Variants in RIT2 observed in about 807,000 individuals in gnomAD.
RIT2 encodes the protein Ras like without CAAX 2, also known as GTP-binding protein Rit2.
A neutral mutation model predicts 23.7 loss-of-function variants in RIT2; 24 were observed. That is an observed-to-expected ratio of 1.01 (90% CI 0.73 to 1.43). RIT2 has a LOEUF of 1.43. Among genes scored for constraint, RIT2 ranks in the 40% most tolerant of loss-of-function variants. The pLI is 0.00. For missense variants in RIT2, 236 were observed against 266.9 expected (o/e 0.88, Z 0.81); for synonymous variants, 107 against 91.1 (o/e 1.17, Z -0.99).
intron 1 of RIT2, among the ~76,000 whole-genome samples, chr18:43,039,069 A>T (rs988777502): frequency 6.6e-6 from 1 of 151,994 alleles, no homozygotes; most frequent in African/African-American, 2.4e-5. Flanking sequence ...TTTTCTACTT[A>T]TTTCCATCTC....
At chr18:42,919,795 T>C (rs1399420171) in intron 4 of RIT2, among the ~76,000 whole-genome samples, 1 of 152,062 alleles carries the variant, frequency 6.6e-6, no homozygotes, top group Non-Finnish European at 1.5e-5. Context: ...CCTTCACTCA[T>C]AGACTGCTTC....
Position 42,801,375 on chromosome 18 carries a change from G to A in RIT2, c.427-57655C>T, listed in dbSNP as rs112701918. 4.4e-3 allele frequency among the ~76,000 whole-genome samples: 671 copies of A among 152,232 alleles called. 5 individuals are homozygous for A. Among genetic ancestry groups the A allele is most frequent in the African/African-American group, 0.015 (606 of 41,540 alleles). The stretch of plus-strand genomic sequence containing the variant: ...ATTGGATTAACAAGAGCTCAGTTAC[G>A]TATCTATTCTTTGATGTTGAAATTT... On this transcript the variant is annotated intron_variant, in intron 4 of 4. Transcript: ENST00000326695.
chr18:42,995,930 CT>C (rs1321895753), intron 2 of RIT2, among the ~76,000 whole-genome samples: 1 of 152,202 alleles, frequency 6.6e-6, no homozygotes, highest in Admixed American at 6.5e-5. Context: ...TACACTGTTT[CT>C]CCAAGCCATC....
chr18:42,829,428 G>T (rs149858279), intron 4 of RIT2, among the ~76,000 whole-genome samples: 52 of 152,210 alleles, frequency 3.4e-4, no homozygotes, highest in East Asian at 1.4e-3. Flanking sequence ...ACCTACCCAG[G>T]GATAATTATT....
intron 4 of RIT2, among the ~76,000 whole-genome samples, chr18:42,750,489 C>A (rs1430104785): frequency 6.6e-6 from 1 of 151,698 alleles, no homozygotes; most frequent in Non-Finnish European, 1.5e-5. Flanking sequence ...TGCAGCACTC[C>A]CTTTGAATTT....
At chr18:43,032,610 C>T (rs1346235147) in intron 2 of RIT2, among the ~76,000 whole-genome samples, 1 of 152,016 alleles carries the variant, frequency 6.6e-6, no homozygotes, top group African/African-American at 2.4e-5. Flanking sequence ...ACTTCTAAAA[C>T]TTTACAAAGT....
At chr18:42,947,284 G>T (rs1284148557) in intron 3 of RIT2, among the ~76,000 whole-genome samples, 1 of 152,052 alleles carries the variant, frequency 6.6e-6, no homozygotes, top group East Asian at 1.9e-4. Flanking sequence ...ACTGAGAGTG[G>T]ACTGAATTCC....
intron 2 of RIT2, among the ~76,000 whole-genome samples, chr18:43,014,501 C>T (rs749437584): frequency 1.7e-4 from 26 of 151,562 alleles, no homozygotes; most frequent in Non-Finnish European, 3.8e-4. Flanking sequence ...TGCATGTGAA[C>T]ATATGATCAT....
chr18:42,961,920 T>C (rs1357689176), intron 3 of RIT2, among the ~76,000 whole-genome samples: 1 of 152,202 alleles, frequency 6.6e-6, no homozygotes, highest in East Asian at 1.9e-4. Context: ...TTTATAAATA[T>C]ATTGATTCTG....
intron 4 of RIT2, among the ~76,000 whole-genome samples, chr18:42,910,220 A>T (rs1908731285): frequency 6.6e-6 from 1 of 152,170 alleles, no homozygotes; most frequent in South Asian, 2.1e-4. Flanking sequence ...CAGAAAACAA[A>T]TAATAAAAAG....
intron 3 of RIT2, among the ~76,000 whole-genome samples, chr18:42,969,972 C>T (rs1475291866): frequency 6.6e-6 from 1 of 151,950 alleles, no homozygotes; most frequent in Non-Finnish European, 1.5e-5. Flanking sequence ...AAGACAGAGC[C>T]TCAATTTTAT....
intron 3 of RIT2, among the ~76,000 whole-genome samples, chr18:42,941,084 C>T (rs1434595736): frequency 6.6e-6 from 1 of 152,064 alleles, no homozygotes; most frequent in African/African-American, 2.4e-5. Flanking sequence ...AGGCTTTAAA[C>T]AACATTTAAG....
intron 4 of RIT2, among the ~76,000 whole-genome samples, chr18:42,853,378 A>AT (rs1305508108): frequency 2.0e-5 from 3 of 152,226 alleles, no homozygotes; most frequent in Non-Finnish European, 4.4e-5. Flanking sequence ...CATCCAGGTC[A>AT]TTGGCATAAA....
At chr18:42,950,346 C>T (rs2051388298) in intron 3 of RIT2, among the ~76,000 whole-genome samples, 1 of 152,000 alleles carries the variant, frequency 6.6e-6, no homozygotes, top group African/African-American at 2.4e-5. Context: ...TAGACATCTG[C>T]AGAAGAATAA....
intron 1 of RIT2, among the ~76,000 whole-genome samples, chr18:43,106,169 C>T: frequency 6.6e-6 from 1 of 152,162 alleles, no homozygotes; most frequent in East Asian, 1.9e-4. Flanking sequence ...CAGGTATATG[C>T]AAAACTCAGA....
At chr18:42,932,391 A>C (rs575087242) in intron 3 of RIT2, among the ~76,000 whole-genome samples, 8 of 152,268 alleles carry the variant, frequency 5.3e-5, no homozygotes, top group African/African-American at 1.9e-4. Context: ...TTTATTCTGC[A>C]GCTCTTCTGT....
At chr18:42,947,178 C>T (rs1909748244) in intron 3 of RIT2, among the ~76,000 whole-genome samples, 1 of 151,944 alleles carries the variant, frequency 6.6e-6, no homozygotes. Flanking sequence ...AACTGACCTT[C>T]AAGAGGACAT....
intron 2 of RIT2, among the ~76,000 whole-genome samples, chr18:43,011,594 A>C (rs1911352955): frequency 6.6e-6 from 1 of 151,780 alleles, no homozygotes; most frequent in African/African-American, 2.4e-5. Context: ...AAATCAACCA[A>C]ATAGAAGTTT....
At chr18:42,936,582 T>G (rs550258314) in intron 3 of RIT2, among the ~76,000 whole-genome samples, 1 of 152,210 alleles carries the variant, frequency 6.6e-6, no homozygotes, top group Non-Finnish European at 1.5e-5. Flanking sequence ...TCCTGACTCC[T>G]GTTCATTCTG....
Sources: gnomAD v4.1 joint callset for allele counts (sites outside exome capture counted in the v4.1 genomes callset) on GRCh38, gnomAD v4.1.1 for gene constraint, MANE v1.5 for transcripts, NCBI Gene and HGNC (gene_info 2026-07-23, HGNC 2026-07-21) for gene names.